The following SPATA6 variants were observed in gnomAD, a reference collection of about 807,000 sequenced individuals.
SPATA6 encodes spermatogenesis-associated protein 6.
A neutral mutation model predicts 65.3 loss-of-function variants in SPATA6; 56 were observed. That is an observed-to-expected ratio of 0.86 (90% CI 0.69 to 1.07). The LOEUF is 1.07. SPATA6 is among the 50% of genes least tolerant of loss of function. The probability of loss-of-function intolerance (pLI) is 0.00; values close to 1 mark genes in which losing one functional copy is unlikely to be tolerated. For synonymous variants in SPATA6, 199 were observed against 213.2 expected (o/e 0.93, Z 0.58); for missense variants, 590 against 594.8 (o/e 0.99, Z 0.08).
chr1:48,318,910 A>C (rs2148694954), intron 11 of SPATA6, among the ~76,000 whole-genome samples: 1 of 152,326 alleles, frequency 6.6e-6, no homozygotes, highest in Non-Finnish European at 1.5e-5. Context: ...ATAATAGCAT[A>C]AGGACAGATA....
intron 8 of SPATA6, among the ~76,000 whole-genome samples, chr1:48,390,390 G>A (rs547649044): frequency 2.1e-4 from 32 of 152,232 alleles, no homozygotes; most frequent in Admixed American, 1.8e-3. Flanking sequence ...TAGAATAATC[G>A]ATACTAGAGG....
At chr1:48,278,923 G>A in the SPATA6 span, among the ~76,000 whole-genome samples, 3 of 152,188 alleles carry the variant, frequency 2.0e-5, no homozygotes, top group African/African-American at 7.2e-5. Context: ...GTTAAGGGCA[G>A]CCAGAGAGAA....
At chr1:48,302,556 C>A (rs1644965447) in intron 12 of SPATA6, among the ~76,000 whole-genome samples, 1 of 152,148 alleles carries the variant, frequency 6.6e-6, no homozygotes, top group African/African-American at 2.4e-5. Context: ...AGCCAGTAAG[C>A]CTATAAGGCT....
At chr1:48,287,772 C>T in the SPATA6 span, among the ~76,000 whole-genome samples, 1 of 152,192 alleles carries the variant, frequency 6.6e-6, no homozygotes, top group Non-Finnish European at 1.5e-5. Flanking sequence ...TTATAAATTA[C>T]CCAATCTCAG....
At chr1:48,273,683 T>A in the SPATA6 span, among the ~76,000 whole-genome samples, 2 of 152,230 alleles carry the variant, frequency 1.3e-5, no homozygotes, top group African/African-American at 2.4e-5. Context: ...ATCCTTTTTT[T>A]ATGGCTGCAG....
chr1:48,335,544 A>T (rs1289797610), intron 11 of SPATA6, among the ~76,000 whole-genome samples: 1 of 152,080 alleles, frequency 6.6e-6, no homozygotes, highest in Non-Finnish European at 1.5e-5. Flanking sequence ...TGGGGAAAGG[A>T]CTCCCTACTC....
intron 3 of SPATA6, among the ~76,000 whole-genome samples, chr1:48,422,820 G>A (rs1653471368): frequency 1.3e-5 from 2 of 152,040 alleles, no homozygotes; most frequent in South Asian, 2.1e-4. Context: ...ACAGGCATAC[G>A]TCTACCCTAT....
rs543689013 is a variant in SPATA6, at chr1:48,316,260, T to C, written c.1195-10382A>G. On this transcript the variant is annotated intron_variant, in intron 11 of 12. Coordinates refer to ENST00000371847, the MANE Select transcript of SPATA6 (RefSeq NM_019073.4). ...AGCCAAAAGAACAAAGCTGGAGGCA[T>C]CACGCTACCTGACTTCAAACTATAC... Among the ~76,000 whole-genome samples, 4 of 152,278 alleles carry C rather than the reference T, an allele frequency of 2.6e-5. No homozygotes were observed. In the South Asian group the frequency reaches 8.3e-4, roughly 32 times the overall value.
At chr1:48,329,049 T>C (rs1019633619) in intron 11 of SPATA6, among the ~76,000 whole-genome samples, 1 of 152,158 alleles carries the variant, frequency 6.6e-6, no homozygotes, top group South Asian at 2.1e-4. Flanking sequence ...ATATGCCAGG[T>C]CTTGATGAAA....
rs1644832637 is a variant in SPATA6, at chr1:48,297,280, C to G, written c.*1433G>C. ...TGGTCCACAGAACATAGTTTGGGGT[C>G]TACTACATTCTTATCATTTGATAGC... is the stretch of plus-strand genomic sequence containing the variant. On this transcript the variant is annotated 3_prime_UTR_variant, in exon 13 of 13. Transcript: ENST00000371847. 6.6e-6 allele frequency: 1 copy of G among 152,010 alleles called. No homozygotes were observed. Among genetic ancestry groups the G allele is most frequent in the Non-Finnish European group, 1.5e-5 (1 of 68,002 alleles). 9.4% of individuals were successfully genotyped at this position (152,010 alleles called of 1,614,324 possible).
chr1:48,300,031 G>A (rs1644899829), intron 12 of SPATA6, among the ~76,000 whole-genome samples: 1 of 152,142 alleles, frequency 6.6e-6, no homozygotes, highest in Non-Finnish European at 1.5e-5. Context: ...GAGAGAGAGA[G>A]CGAGCGCATG....
At chr1:48,275,732 GC>G in the SPATA6 span, among the ~76,000 whole-genome samples, 1 of 152,166 alleles carries the variant, frequency 6.6e-6, no homozygotes, top group Non-Finnish European at 1.5e-5. Flanking sequence ...TGGCAGATAA[GC>G]TTTTTGATGT....
chr1:48,288,898 C>A, the SPATA6 span, among the ~76,000 whole-genome samples: 13 of 152,260 alleles, frequency 8.5e-5, no homozygotes, highest in Non-Finnish European at 1.5e-4. Context: ...CTGCCTGCCT[C>A]TGTAGGCTCC....
chr1:48,320,267 A>C (rs1645563779), intron 11 of SPATA6, among the ~76,000 whole-genome samples: 1 of 152,272 alleles, frequency 6.6e-6, no homozygotes, highest in East Asian at 1.9e-4. Context: ...AGAGGGTTAT[A>C]GCAAACCAAG....
chr1:48,410,123 A>T (rs944212512), intron 5 of SPATA6, among the ~76,000 whole-genome samples: 1 of 152,186 alleles, frequency 6.6e-6, no homozygotes, highest in African/African-American at 2.4e-5. Context: ...AATGCCTTTA[A>T]CAGCACCCAA....
At position 48,296,966 on chromosome 1, in the gene SPATA6, T is replaced by C. The variant is rs1432460873; in HGVS notation, c.*1747A>G. ...CTAGATGCAGAGTAAGACAGATTTATACCAGAATTTTCTTAAAGCCTCGAA... is the reference window on the plus strand; with the variant it reads ...CTAGATGCAGAGTAAGACAGATTTACACCAGAATTTTCTTAAAGCCTCGAA... On this transcript the variant is annotated 3_prime_UTR_variant, in exon 13 of 13. Transcript: ENST00000371847. 6.6e-6 allele frequency: 1 copy of C among 152,010 alleles called. No homozygotes were observed. The highest frequency in any genetic ancestry group is 1.5e-5 in the Non-Finnish European group (1 of 68,000). The allele number at this position is 152,010 out of a possible 1,614,324, so 9.4% of individuals were successfully genotyped here. A position where few individuals can be genotyped will look rare whatever the true frequency, so the allele number is the denominator to read the frequency against.
intron 3 of SPATA6, among the ~76,000 whole-genome samples, chr1:48,415,187 G>C (rs1652641730): frequency 6.6e-6 from 1 of 152,198 alleles, no homozygotes; most frequent in Admixed American, 6.5e-5. Flanking sequence ...GTTTTGAAAT[G>C]ATTAGTCTTG....
intron 3 of SPATA6, among the ~76,000 whole-genome samples, chr1:48,430,229 A>T (rs1654270141): frequency 6.6e-6 from 1 of 152,190 alleles, no homozygotes; most frequent in African/African-American, 2.4e-5. Context: ...TCTTGAAAAT[A>T]GCACAAAAGA....
chr1:48,268,061 GT>G, the SPATA6 span, among the ~76,000 whole-genome samples: 3 of 148,270 alleles, frequency 2.0e-5, no homozygotes, highest in Non-Finnish European at 4.4e-5. Flanking sequence ...AGGTCTCAGG[GT>G]TTTTATAGTC....
Sources: gnomAD v4.1 joint callset for allele counts (sites outside exome capture counted in the v4.1 genomes callset) on GRCh38, gnomAD v4.1.1 for gene constraint, MANE v1.5 for transcripts, NCBI Gene and HGNC (gene_info 2026-07-23, HGNC 2026-07-21) for gene names.